Variants in NRXN3 observed in about 807,000 individuals in gnomAD.
The protein encoded by NRXN3 is neurexin 3.
Under a neutral mutation model 137.6 loss-of-function variants are expected in NRXN3, and 32 were observed. The ratio of observed to expected loss-of-function variants is 0.23; its 90% confidence interval spans 0.18 to 0.31. The LOEUF is 0.31. NRXN3 is among the 10% of genes least tolerant of loss of function. The probability of loss-of-function intolerance (pLI) is 1.00; values close to 1 mark genes in which losing one functional copy is unlikely to be tolerated. For synonymous variants in NRXN3, 798 were observed against 784.5 expected (o/e 1.02, Z -0.29); for missense variants, 1,574 against 2,062.5 (o/e 0.76, Z 4.59).
rs1411281909 is a variant in NRXN3, at chr14:79,645,702, A to G, written c.3445-18076A>G. ...AGAAGGTGTTCCATATATGCCTGCT[A>G]AAGAAGTGGCTAGACTAATCAACAA... is the stretch of plus-strand genomic sequence containing the variant. On this transcript the variant is annotated intron_variant, in intron 16 of 20. Transcript: ENST00000335750. 1.5e-5 allele frequency among the ~76,000 whole-genome samples: 2 copies of G among 134,978 alleles called. 1 individual carries two copies. The highest frequency in any genetic ancestry group is 3.9e-4 in the East Asian group (2 of 5,110). The allele number at this position is 134,978 out of a possible 152,430, so 88.6% of individuals were successfully genotyped here. A position where few individuals can be genotyped will look rare whatever the true frequency, so the allele number is the denominator to read the frequency against.
intron 1 of NRXN3, among the ~76,000 whole-genome samples, chr14:78,217,684 TG>T (rs1367064765): frequency 2.0e-5 from 3 of 152,256 alleles, no homozygotes; most frequent in Non-Finnish European, 4.4e-5. Context: ...TAGTTTGAGA[TG>T]GAGCCTTGCT....
chr14:78,986,475 AAG>A (rs1313799219), intron 14 of NRXN3, among the ~76,000 whole-genome samples: 1 of 152,162 alleles, frequency 6.6e-6, no homozygotes, highest in Non-Finnish European at 1.5e-5. Flanking sequence ...GGCAATCTGT[AAG>A]AGAGAGATCA....
intron 15 of NRXN3, among the ~76,000 whole-genome samples, chr14:79,044,103 ACTCTTTGAAATAAGAC>A (rs1316518488): frequency 1.3e-5 from 2 of 152,090 alleles, no homozygotes; most frequent in African/African-American, 2.4e-5. Flanking sequence ...TGGAGTTTGT[ACTCTTTGAAATAAGAC>A]CACTGACTTT....
intron 4 of NRXN3, among the ~76,000 whole-genome samples, chr14:78,323,513 A>G (rs1384433306): frequency 1.3e-5 from 2 of 152,092 alleles, no homozygotes; most frequent in Non-Finnish European, 2.9e-5. Flanking sequence ...TGTAAACTGT[A>G]AAGTGTACTG....
rs559437318 is a variant in NRXN3 at position 79,538,755 on chromosome 14, T to C, written c.3444+71353T>C. Among the ~76,000 whole-genome samples the C allele has an allele frequency of 4.6e-5, 7 of 152,282 alleles. No individual in the cohort carries two copies. The South Asian group carries it at 1.5e-3, about 32-fold the overall frequency. ...CCACTTTTAACACTGTTACTCTGGG[T>C]AGGTTATTTGGTCTGAGTGTCAGTC... is the stretch of plus-strand genomic sequence containing the variant. On this transcript the variant is annotated intron_variant, in intron 16 of 20. Coordinates refer to ENST00000335750, the MANE Select transcript of NRXN3 (RefSeq NM_001330195.2).
rs576133343 is a variant in NRXN3 at position 79,859,789 on chromosome 14, C to T, written c.4094-1553C>T. 5.9e-5 allele frequency among the ~76,000 whole-genome samples: 9 copies of T among 152,280 alleles called. No individual in the cohort carries two copies. In the East Asian group the frequency reaches 1.4e-3, roughly 23 times the overall value. ...CTCAGAAAGAGGCCTTCAACAATAA[C>T]GTCACATTAGTACCTCAACCTTCTA... On this transcript the variant is annotated intron_variant, in intron 20 of 20. Transcript: ENST00000335750.
At chr14:79,206,605 T>G (rs2153223287) in intron 15 of NRXN3, among the ~76,000 whole-genome samples, 1 of 152,338 alleles carries the variant, frequency 6.6e-6, no homozygotes, top group Middle Eastern at 3.4e-3. Flanking sequence ...TGTTATCACC[T>G]TTTCTTGTGA....
intron 15 of NRXN3, among the ~76,000 whole-genome samples, chr14:79,345,056 A>T (rs116584755): frequency 2.0e-4 from 31 of 152,322 alleles, no homozygotes; most frequent in African/African-American, 7.2e-4. Flanking sequence ...TCTATTCACG[A>T]AGAACAAGAA....
At chr14:79,104,030 A>G (rs1161483975) in intron 15 of NRXN3, among the ~76,000 whole-genome samples, 1 of 152,194 alleles carries the variant, frequency 6.6e-6, no homozygotes, top group Non-Finnish European at 1.5e-5. Context: ...ATGCCTGCAC[A>G]TGCACAGATG....
At chr14:78,601,743 T>C (rs117481887) in intron 4 of NRXN3, among the ~76,000 whole-genome samples, 1 of 152,194 alleles carries the variant, frequency 6.6e-6, no homozygotes, top group African/African-American at 2.4e-5. Context: ...TGTGAGCCAC[T>C]GTGCCTGGCC....
At chr14:78,324,093 A>G (rs2079736258) in intron 4 of NRXN3, among the ~76,000 whole-genome samples, 1 of 152,066 alleles carries the variant, frequency 6.6e-6, no homozygotes, top group South Asian at 2.1e-4. Flanking sequence ...TAACTAGCTA[A>G]TGAGAAACCC....
At chr14:79,288,034 C>T (rs1598333681) in intron 15 of NRXN3, among the ~76,000 whole-genome samples, 2 of 152,332 alleles carry the variant, frequency 1.3e-5, no homozygotes, top group East Asian at 3.9e-4. Flanking sequence ...TCTTTAAAGA[C>T]ACCACTGTGC....
intron 14 of NRXN3, among the ~76,000 whole-genome samples, chr14:78,975,982 T>C (rs2099464466): frequency 6.6e-6 from 1 of 152,182 alleles, no homozygotes; most frequent in South Asian, 2.1e-4. Context: ...TGCTGAGCAG[T>C]GCAGTCTTTG....
intron 15 of NRXN3, among the ~76,000 whole-genome samples, chr14:79,165,558 C>T (rs1016199449): frequency 6.6e-6 from 1 of 151,984 alleles, no homozygotes; most frequent in Non-Finnish European, 1.5e-5. Context: ...CACACACAAT[C>T]CAACCTCTGG....
At chr14:79,547,130 C>T (rs1216494409) in intron 16 of NRXN3, among the ~76,000 whole-genome samples, 2 of 152,040 alleles carry the variant, frequency 1.3e-5, no homozygotes, top group African/African-American at 4.8e-5. Context: ...ATGTCCATGC[C>T]CACTTCCCCC....
chr14:78,572,952 C>T (rs111378603), intron 4 of NRXN3, among the ~76,000 whole-genome samples: 3,750 of 152,202 alleles, frequency 0.025, 70 homozygotes, highest in Non-Finnish European at 0.034. Flanking sequence ...GTAATAATCC[C>T]CATGTATCAA....
intron 4 of NRXN3, among the ~76,000 whole-genome samples, chr14:78,559,131 T>C (rs1349485498): frequency 6.6e-6 from 1 of 152,166 alleles, no homozygotes; most frequent in East Asian, 1.9e-4. Context: ...TTTCCCTTCA[T>C]CCCTAATTAT....
intron 1 of NRXN3, among the ~76,000 whole-genome samples, chr14:78,224,428 G>A (rs1330998573): frequency 6.6e-6 from 1 of 151,180 alleles, no homozygotes; most frequent in Non-Finnish European, 1.5e-5. Flanking sequence ...CTCCCCACTC[G>A]CCCCACCCCA....
rs150259604 is a variant in NRXN3, at chr14:79,263,045, A to C, written c.3263-204176A>C. 7.2e-3 allele frequency among the ~76,000 whole-genome samples: 1,095 copies of C among 152,230 alleles called. 12 individuals are homozygous for C. Among genetic ancestry groups the C allele is most frequent in the African/African-American group, 0.025 (1,034 of 41,528 alleles). On this transcript the variant is annotated intron_variant, in intron 15 of 20. Coordinates refer to ENST00000335750, the MANE Select transcript of NRXN3 (RefSeq NM_001330195.2). Reference sequence around the variant, plus strand: ...TTGTTTGACCTCAGTCTTAATGATGAACTACCAGGAAAATGGAATTTGAGG... The same window carrying C: ...TTGTTTGACCTCAGTCTTAATGATGCACTACCAGGAAAATGGAATTTGAGG...
Sources: allele counts gnomAD v4.1 joint callset (sites outside exome capture counted in the v4.1 genomes callset), GRCh38; gene constraint gnomAD v4.1.1; transcripts MANE v1.5; gene names NCBI Gene and HGNC (gene_info 2026-07-23, HGNC 2026-07-21).